NSUN6: variants seen among roughly 807,000 people sequenced by gnomAD.
NSUN6 encodes NOP2/Sun RNA methyltransferase 6.
Under a neutral mutation model 58.0 loss-of-function variants are expected in NSUN6, and 64 were observed. The observed-to-expected ratio is 1.10, with a 90% CI of 0.90 to 1.36. The LOEUF (loss-of-function observed/expected upper bound fraction) is 1.36. NSUN6 is among the 40% of genes most tolerant of loss of function. The pLI, the probability that NSUN6 is intolerant of heterozygous loss-of-function variation, is 0.00. For synonymous variants in NSUN6, 231 were observed against 193.9 expected, an observed-to-expected ratio of 1.19 and a Z score of -1.59; for missense variants, 701 against 550.1, an observed-to-expected ratio of 1.27 and a Z score of -2.74.
intron 8 of NSUN6, among the ~76,000 whole-genome samples, chr10:18,555,683 G>T (rs1184644887): frequency 6.6e-5 from 8 of 120,796 alleles, no homozygotes; most frequent in South Asian, 2.9e-4. Context: ...ATGGTATGGA[G>T]AATGGAATGG....
In NSUN6 at chr10:18,647,514, CA is replaced by C. The variant is rs569363993; in HGVS notation, c.231+975del. Among the ~76,000 whole-genome samples the C allele has an allele frequency of 1.4e-4, 22 of 152,004 alleles. No individual in the cohort carries two copies. The East Asian group carries it at 1.9e-3, about 13-fold the overall frequency. On this transcript the variant is annotated intron_variant, in intron 2 of 10. Coordinates refer to ENST00000377304, the MANE Select transcript of NSUN6 (RefSeq NM_182543.5). ...GCAAAAGAGTATATACAAGATAACT[CA>C]AAAAAATATAAACAAGATAACTCAT...
upstream of NSUN6, chr10:18,654,878 T>C (rs1205168917): frequency 5.6e-6 from 1 of 177,492 alleles, no homozygotes; most frequent in African/African-American, 2.4e-5. Flanking sequence ...TCTCAAAAAA[T>C]AAAAAAATAA....
intron 8 of NSUN6, among the ~76,000 whole-genome samples, chr10:18,568,511 CT>C (rs1371224936): frequency 6.7e-6 from 1 of 150,160 alleles, no homozygotes; most frequent in Non-Finnish European, 1.5e-5. Flanking sequence ...CCAAACCATT[CT>C]CTATTCCATT....
At position 18,610,565 on chromosome 10, in the gene NSUN6, T is replaced by C. The variant is rs146721333; in HGVS notation, c.576-639A>G. The stretch of plus-strand genomic sequence containing the variant: ...TTTACTACTTCCTGTCAGCTCTTTA[T>C]AGAATAATTGCCTGGTACTGACACA... On this transcript the variant is annotated intron_variant, in intron 5 of 10. Coordinates refer to ENST00000377304, the MANE Select transcript of NSUN6 (RefSeq NM_182543.5). Among the ~76,000 whole-genome samples the C allele has an allele frequency of 8.8e-4, 134 of 152,296 alleles. 4 individuals carry two copies. In the East Asian group the frequency reaches 0.024, roughly 27 times the overall value.
In NSUN6 at chr10:18,545,877, A is replaced by AAAAAAAAC. The variant is rs2054221828; in HGVS notation, c.*55_*56insGTTTTTTT. On this transcript the variant is annotated 3_prime_UTR_variant, in exon 11 of 11. Coordinates refer to ENST00000377304, the MANE Select transcript of NSUN6 (RefSeq NM_182543.5). Reference sequence around the variant, plus strand: ...CTGACAACACTTTGGTTAAAAAAAAAAAAACCACAGACAGCAAATGTTTGG... The same window carrying AAAAAAAAC: ...CTGACAACACTTTGGTTAAAAAAAAAAAAAAAACAAAACCACAGACAGCAAATGTTTGG... 3 of 1,077,968 alleles carry AAAAAAAAC rather than the reference A, an allele frequency of 2.8e-6. No homozygotes were observed. The highest frequency in any genetic ancestry group is 1.6e-5 in the African/African-American group (1 of 62,414). 66.8% of individuals were successfully genotyped at this position (1,077,968 alleles called of 1,614,324 possible). A position where few individuals can be genotyped will look rare whatever the true frequency, so the allele number is the denominator to read the frequency against.
rs560644972 is a variant in NSUN6, at chr10:18,548,231, G to C, written c.1078C>G (p.Gln360Glu). ...AGCACACCCTCTGGCTTCAGCAGCT[G>C]AACCGCCTAAAGAAAACTGTGATCA... ...LQRKLFTAAV[Q>E]LLKPEGVLVY... The change falls in exon 10 of 11, where the codon CAG (glutamine) becomes GAG (glutamate). Residue 360 changes from glutamine (Q) to glutamate (E), a missense_variant. Coordinates refer to ENST00000377304, the MANE Select transcript of NSUN6 (RefSeq NM_182543.5). 9.9e-6 allele frequency: 16 copies of C among 1,612,102 alleles called. No individual in the cohort carries two copies. Among genetic ancestry groups the C allele is most frequent in the Admixed American group, 1.7e-5 (1 of 59,830 alleles).
chr10:18,609,728 C>T, intron 6 of NSUN6, 117 bp downstream of exon 6: 1 of 552,356 alleles, frequency 1.8e-6, no homozygotes, highest in Non-Finnish European at 3.3e-6. Context: ...AAAGGTAGAT[C>T]AGTGTATGTA....
At chr10:18,608,121 CA>C (rs1227824831) in intron 6 of NSUN6, among the ~76,000 whole-genome samples, 5 of 152,180 alleles carry the variant, frequency 3.3e-5, no homozygotes, top group Non-Finnish European at 7.3e-5. Flanking sequence ...CCCTCAGATG[CA>C]AAAGCTTCAT....
intron 8 of NSUN6, among the ~76,000 whole-genome samples, chr10:18,567,351 CTCCATTCCATTCCATATTCCATTT>C (rs1286889607): frequency 0.026 from 3,882 of 149,188 alleles, 161 homozygotes; most frequent in African/African-American, 0.089. Flanking sequence ...CCATTCTATT[CTCCATTCCATTCCATATTCCATTT>C]TCCATTCCAT....
At chr10:18,657,775 G>A (rs540247339), upstream of NSUN6, among the ~76,000 whole-genome samples, 2 of 151,774 alleles carry the variant, frequency 1.3e-5, no homozygotes, top group Non-Finnish European at 2.9e-5. Context: ...CACCACACCC[G>A]GCTAATTTTT....
At chr10:18,595,343 G>A (rs2057544524) in intron 7 of NSUN6, among the ~76,000 whole-genome samples, 1 of 152,192 alleles carries the variant, frequency 6.6e-6, no homozygotes, top group Non-Finnish European at 1.5e-5. Flanking sequence ...TTTACTAAGA[G>A]AGAACCAAAT....
At chr10:18,615,806 A>G (rs1248712007) in intron 4 of NSUN6, among the ~76,000 whole-genome samples, 1 of 152,228 alleles carries the variant, frequency 6.6e-6, no homozygotes, top group African/African-American at 2.4e-5. Context: ...AAGAGTATCA[A>G]GTTTCATCCC....
At chr10:18,632,648 C>T (rs563574841) in intron 3 of NSUN6, among the ~76,000 whole-genome samples, 159 of 152,216 alleles carry the variant, frequency 1.0e-3, no homozygotes, top group Middle Eastern at 3.4e-3. Flanking sequence ...AAAAGACACA[C>T]GAAAAAATGC....
chr10:18,575,357 T>C (rs112106906), intron 8 of NSUN6, among the ~76,000 whole-genome samples: 1 of 152,184 alleles, frequency 6.6e-6, no homozygotes, highest in African/African-American at 2.4e-5. Context: ...ATGTCTCCAA[T>C]AGGCTGTCTA....
At chr10:18,644,146 G>A (rs1038168283) in intron 2 of NSUN6, among the ~76,000 whole-genome samples, 24 of 152,186 alleles carry the variant, frequency 1.6e-4, no homozygotes, top group Middle Eastern at 3.4e-3. Context: ...GATCCTTCAC[G>A]CTCACTGGCA....
chr10:18,643,322 G>C (rs897363405), intron 2 of NSUN6, among the ~76,000 whole-genome samples: 1 of 151,720 alleles, frequency 6.6e-6, no homozygotes, highest in African/African-American at 2.4e-5. Flanking sequence ...GGATGACAGG[G>C]ACCGTATACT....
At chr10:18,593,889 A>C (rs898733873) in intron 7 of NSUN6, among the ~76,000 whole-genome samples, 1 of 151,748 alleles carries the variant, frequency 6.6e-6, no homozygotes, top group Non-Finnish European at 1.5e-5. Context: ...AAAAAAAAAA[A>C]AGGGCCAAAA....
chr10:18,550,836 T>G (rs542282314), intron 9 of NSUN6, among the ~76,000 whole-genome samples: 1 of 152,036 alleles, frequency 6.6e-6, no homozygotes, highest in Admixed American at 6.6e-5. Flanking sequence ...GCAATTCTCC[T>G]GCCTCAACCT....
At chr10:18,556,691 T>TGGAATGGAAAGGGGAAG (rs1368475207) in intron 8 of NSUN6, among the ~76,000 whole-genome samples, 4,178 of 145,712 alleles carry the variant, frequency 0.029, 88 homozygotes, top group Middle Eastern at 0.079. Flanking sequence ...GAAATGCGAA[T>TGGAATGGAAAGGGGAAG]GGAATGGAAA....
Sources: allele counts gnomAD v4.1 joint callset (sites outside exome capture counted in the v4.1 genomes callset), GRCh38; gene constraint gnomAD v4.1.1; transcripts MANE v1.5; gene names NCBI Gene and HGNC (gene_info 2026-07-23, HGNC 2026-07-21).